The following PRKACB variants were observed in gnomAD, a reference collection of about 807,000 sequenced individuals.
PRKACB encodes the protein protein kinase cAMP-activated catalytic subunit beta.
Under a neutral mutation model 51.4 loss-of-function variants are expected in PRKACB, and 16 were observed. That is an observed-to-expected ratio of 0.31 (90% CI 0.21 to 0.47). The LOEUF (loss-of-function observed/expected upper bound fraction) is 0.47, where lower values mean the gene tolerates loss of function less well. Ranked by LOEUF, PRKACB falls within the 20% of genes least tolerant of loss-of-function variation. The pLI is 1.00. For missense variants in PRKACB, 309 were observed against 464.5 expected, an observed-to-expected ratio of 0.67 and a Z score of 3.08; for synonymous variants, 147 against 154.4, an observed-to-expected ratio of 0.95 and a Z score of 0.35.
intron 1 of PRKACB, among the ~76,000 whole-genome samples, chr1:84,151,424 C>T (rs945501094): frequency 2.0e-5 from 3 of 152,112 alleles, no homozygotes; most frequent in African/African-American, 7.2e-5. Context: ...GTTGGGATGG[C>T]AGTGGCAATT....
chr1:84,125,995 G>A (rs1651557571), intron 1 of PRKACB, among the ~76,000 whole-genome samples: 1 of 151,634 alleles, frequency 6.6e-6, no homozygotes, highest in Non-Finnish European at 1.5e-5. Flanking sequence ...GGAGCATGCA[G>A]GTGAGTGGGT....
chr1:84,207,784 A>G (rs1300928672), intron 8 of PRKACB, among the ~76,000 whole-genome samples: 1 of 152,186 alleles, frequency 6.6e-6, no homozygotes, highest in Non-Finnish European at 1.5e-5. Flanking sequence ...CCTTTCGAAT[A>G]TCAACTTTGT....
intron 1 of PRKACB, among the ~76,000 whole-genome samples, chr1:84,118,843 A>G (rs1179185800): frequency 6.6e-6 from 1 of 152,174 alleles, no homozygotes; most frequent in Non-Finnish European, 1.5e-5. Context: ...CAGCTCTTAG[A>G]GATGAGTTTA....
intron 1 of PRKACB, among the ~76,000 whole-genome samples, chr1:84,096,092 G>A (rs564457779): frequency 1.3e-5 from 2 of 152,016 alleles, no homozygotes; most frequent in South Asian, 2.1e-4. Context: ...GTCAGATTGT[G>A]TTGATCCATC....
intron 1 of PRKACB, chr1:84,078,457 C>G: frequency 6.6e-7 from 1 of 1,506,648 alleles, no homozygotes; most frequent in Non-Finnish European, 9.0e-7. Context: ...TCTGAGGCCG[C>G]GGGCACGGGC....
chr1:84,223,677 T>C (rs1187623222), intron 9 of PRKACB, among the ~76,000 whole-genome samples: 1 of 152,182 alleles, frequency 6.6e-6, no homozygotes, highest in Non-Finnish European at 1.5e-5. Flanking sequence ...CCTGTTTGGT[T>C]CTTTTTTATG....
chr1:84,137,983 T>G (rs529816618), intron 1 of PRKACB, among the ~76,000 whole-genome samples: 1 of 152,274 alleles, frequency 6.6e-6, no homozygotes, highest in Non-Finnish European at 1.5e-5. Flanking sequence ...TAGGCAAATG[T>G]TAGTATACAC....
chr1:84,214,469 T>A, intron 9 of PRKACB, 152 bp downstream of exon 9: 1 of 738,966 alleles, frequency 1.4e-6, no homozygotes, highest in Non-Finnish European at 1.9e-6. Flanking sequence ...AGCCCATAAC[T>A]TAAAAATGAG....
intron 1 of PRKACB, among the ~76,000 whole-genome samples, chr1:84,082,273 G>A (rs1021602031): frequency 2.6e-5 from 4 of 152,088 alleles, no homozygotes; most frequent in Non-Finnish European, 4.4e-5. Flanking sequence ...TAGAATAGCC[G>A]ATGCTAAGAC....
At chr1:84,161,896 TA>T (rs1406785477) in intron 1 of PRKACB, among the ~76,000 whole-genome samples, 1 of 152,018 alleles carries the variant, frequency 6.6e-6, no homozygotes, top group African/African-American at 2.4e-5. Flanking sequence ...TTTATTTATA[TA>T]TTTACCATTT....
At chr1:84,196,777 A>G (rs375616593) in intron 6 of PRKACB, 35 bp downstream of exon 6, 2 of 1,569,244 alleles carry the variant, frequency 1.3e-6, no homozygotes, top group African/African-American at 2.7e-5. Context: ...ACTGTATATG[A>G]GAAAATACTA....
At chr1:84,211,585 G>T (rs7532830) in intron 8 of PRKACB, among the ~76,000 whole-genome samples, 11 of 152,048 alleles carry the variant, frequency 7.2e-5, no homozygotes, top group Non-Finnish European at 1.6e-4. Context: ...CTTTTAGAAG[G>T]TTCCTGATAA....
chr1:84,114,910 G>A (rs1603000), intron 1 of PRKACB, among the ~76,000 whole-genome samples: 106,300 of 152,062 alleles, frequency 0.7, 38,002 homozygotes, highest in Non-Finnish European at 0.8. Flanking sequence ...CTGCATATAT[G>A]CCACATATTC....
At chr1:84,119,305 T>C (rs1650870838) in intron 1 of PRKACB, among the ~76,000 whole-genome samples, 1 of 152,080 alleles carries the variant, frequency 6.6e-6, no homozygotes, top group Non-Finnish European at 1.5e-5. Context: ...ATCCAAAACT[T>C]TAAGAACAAG....
chr1:84,078,232 G>C, exon 1 of PRKACB: 3 of 1,421,278 alleles, frequency 2.1e-6, no homozygotes, highest in Admixed American at 4.1e-5. Flanking sequence ...GCTCTGACGG[G>C]TGCAGACGCG....
chr1:84,146,670 A>G (rs1654135170), intron 1 of PRKACB, among the ~76,000 whole-genome samples: 2 of 151,974 alleles, frequency 1.3e-5, no homozygotes, highest in Admixed American at 1.3e-4. Flanking sequence ...TTATAATGAA[A>G]TAAACTAAGC....
chr1:84,123,333 A>G (rs537710006), intron 1 of PRKACB, among the ~76,000 whole-genome samples: 1 of 152,330 alleles, frequency 6.6e-6, no homozygotes, highest in East Asian at 1.9e-4. Context: ...GAATCATCAT[A>G]AGAAAGTTAC....
At chr1:84,213,674 T>A (rs1290221687) in intron 8 of PRKACB, among the ~76,000 whole-genome samples, 1 of 152,088 alleles carries the variant, frequency 6.6e-6, no homozygotes, top group East Asian at 1.9e-4. Flanking sequence ...GCAGTGTGGG[T>A]TTTTACAACC....
intron 1 of PRKACB, among the ~76,000 whole-genome samples, chr1:84,165,411 G>T (rs1187964980): frequency 6.6e-6 from 1 of 151,606 alleles, no homozygotes; most frequent in Admixed American, 6.6e-5. Flanking sequence ...ATTTTTATTA[G>T]ATTATTTTTA....
Sources: gnomAD v4.1 joint callset for allele counts (sites outside exome capture counted in the v4.1 genomes callset) on GRCh38, gnomAD v4.1.1 for gene constraint, MANE v1.5 for transcripts, NCBI Gene and HGNC (gene_info 2026-07-23, HGNC 2026-07-21) for gene names.